The following CEP70 variants were observed in gnomAD, a reference collection of about 807,000 sequenced individuals.
CEP70 encodes centrosomal protein of 70 kDa.
CEP70 carries 70 observed loss-of-function variants against 90.9 expected under a neutral mutation model. That is an observed-to-expected ratio of 0.77 (90% confidence interval 0.64 to 0.94). CEP70 has a LOEUF of 0.94. CEP70 is among the 40% of genes least tolerant of loss of function. The pLI, the probability that CEP70 is intolerant of heterozygous loss-of-function variation, is 0.00. For missense variants in CEP70, 648 were observed against 669.0 expected, an observed-to-expected ratio of 0.97 and a Z score of 0.35; for synonymous variants, 220 against 228.3, an observed-to-expected ratio of 0.96 and a Z score of 0.33.
chr3:138,512,239 A>G (rs1327208617), intron 11 of CEP70, among the ~76,000 whole-genome samples: 2 of 152,148 alleles, frequency 1.3e-5, no homozygotes, highest in Non-Finnish European at 2.9e-5. Context: ...TCAGGGAAGG[A>G]GCCCAGGGTA....
In CEP70 at chr3:138,593,291, C is replaced by T. The variant is rs140296322; in HGVS notation, c.-109+907G>A. 5.6e-3 allele frequency among the ~76,000 whole-genome samples: 855 copies of T among 152,260 alleles called. 7 individuals carry two copies. The highest frequency in any genetic ancestry group is 0.02 in the African/African-American group (824 of 41,526). On this transcript the variant is annotated intron_variant, in intron 1 of 17. Transcript: ENST00000264982. ...AGGCTGGAGTGCAGTGGCGCGATCT[C>T]GGCTCACAGCAACCTCCGCCTCCCG...
Position 138,500,240 on chromosome 3 carries a change from A to G in CEP70, c.1538-16T>C. 6.3e-7 allele frequency: 1 copy of G among 1,586,042 alleles called. No homozygotes were observed. The highest frequency in any genetic ancestry group is 1.1e-5 in the South Asian group (1 of 89,662). ...GATGAACTATCTGCAAAAGAGAAAT[A>G]AAAGGATATTTTAACAGAGAATTTC... is the stretch of plus-strand genomic sequence containing the variant. On this transcript the variant is annotated splice_polypyrimidine_tract_variant and intron_variant, in intron 15 of 17. Coordinates refer to ENST00000264982, the MANE Select transcript of CEP70 (RefSeq NM_024491.4).
intron 6 of CEP70, among the ~76,000 whole-genome samples, chr3:138,556,685 T>A (rs2040033685): frequency 1.3e-5 from 2 of 151,898 alleles, no homozygotes; most frequent in Admixed American, 6.6e-5. Context: ...GGGGGAGACA[T>A]CACGTCGGTA....
intron 6 of CEP70, among the ~76,000 whole-genome samples, chr3:138,564,910 T>C (rs953632532): frequency 2.0e-5 from 3 of 152,136 alleles, no homozygotes; most frequent in Non-Finnish European, 1.5e-5. Context: ...TCAAATTGTC[T>C]CTGTTTGCAG....
intron 11 of CEP70, among the ~76,000 whole-genome samples, chr3:138,519,590 T>C (rs1374618019): frequency 6.6e-6 from 1 of 152,110 alleles, no homozygotes; most frequent in Non-Finnish European, 1.5e-5. Flanking sequence ...CTAAGCTTCA[T>C]AAGTGAAGGA....
chr3:138,522,959 G>C (rs1576630938), intron 11 of CEP70, among the ~76,000 whole-genome samples: 1 of 152,172 alleles, frequency 6.6e-6, no homozygotes, highest in Middle Eastern at 3.4e-3. Context: ...GATGAACATC[G>C]ATGCAAAAAT....
intron 2 of CEP70, among the ~76,000 whole-genome samples, chr3:138,577,273 A>C (rs2041596832): frequency 2.0e-5 from 3 of 152,178 alleles, no homozygotes; most frequent in African/African-American, 7.2e-5. Context: ...GCAGCACACC[A>C]ACATGGCACA....
At chr3:138,576,865 C>T (rs2041562694) in intron 2 of CEP70, among the ~76,000 whole-genome samples, 1 of 152,146 alleles carries the variant, frequency 6.6e-6, no homozygotes, top group African/African-American at 2.4e-5. Flanking sequence ...GTGTAAATAA[C>T]AAAATGAAGG....
chr3:138,582,704 C>G (rs180959336), intron 2 of CEP70, among the ~76,000 whole-genome samples: 39 of 151,998 alleles, frequency 2.6e-4, no homozygotes, highest in African/African-American at 8.4e-4. Flanking sequence ...CCAGAGGTTT[C>G]AGTGAGCCAT....
chr3:138,507,034 T>C (rs1432271343), intron 12 of CEP70, among the ~76,000 whole-genome samples: 1 of 152,150 alleles, frequency 6.6e-6, no homozygotes, highest in Non-Finnish European at 1.5e-5. Context: ...TGAGCCACCA[T>C]ACCCGGCTTG....
chr3:138,535,576 A>C (rs1215273913), intron 7 of CEP70, among the ~76,000 whole-genome samples: 1 of 152,108 alleles, frequency 6.6e-6, no homozygotes, highest in Non-Finnish European at 1.5e-5. Context: ...ATGTATTTCC[A>C]ATAGGTTTAA....
chr3:138,505,059 G>GA (rs1344042437), intron 13 of CEP70, among the ~76,000 whole-genome samples: 2 of 152,142 alleles, frequency 1.3e-5, no homozygotes, highest in Non-Finnish European at 2.9e-5. Context: ...TTGTTTGGTA[G>GA]AATCTTAGAG....
Position 138,512,576 on chromosome 3 carries a change from C to G in CEP70, c.945-4032G>C, listed in dbSNP as rs144971595. On this transcript the variant is annotated intron_variant, in intron 11 of 17. Coordinates refer to ENST00000264982, the MANE Select transcript of CEP70 (RefSeq NM_024491.4). ...AGATAATAAAAATCCCCTAGGAGTG[C>G]CTAAGGGGTACTTCACATGCTTTGC... Among the ~76,000 whole-genome samples the G allele has an allele frequency of 4.8e-3, 724 of 152,218 alleles. 4 individuals are homozygous for G. The highest frequency in any genetic ancestry group is 0.017 in the African/African-American group (697 of 41,534).
intron 6 of CEP70, among the ~76,000 whole-genome samples, chr3:138,545,580 G>T (rs895004743): frequency 3.3e-5 from 5 of 152,198 alleles, no homozygotes; most frequent in Admixed American, 3.3e-4. Flanking sequence ...CATAAGGTCT[G>T]ACTGCCTGCA....
Position 138,536,666 on chromosome 3 carries a change from T to C in CEP70, c.635+512A>G, listed in dbSNP as rs560093526. On this transcript the variant is annotated intron_variant, in intron 7 of 17. Transcript: ENST00000264982. ...ATAATTATAATATTGTTCTTAAGAATGATTTTCAGTAGGAAAGACAACAGT... is the reference window on the plus strand; with the variant it reads ...ATAATTATAATATTGTTCTTAAGAACGATTTTCAGTAGGAAAGACAACAGT... Among the ~76,000 whole-genome samples, 5 of 151,842 alleles carry C rather than the reference T, an allele frequency of 3.3e-5. No individual in the cohort carries two copies. In the East Asian group the frequency reaches 9.6e-4, roughly 29 times the overall value.
intron 12 of CEP70, among the ~76,000 whole-genome samples, chr3:138,507,976 C>A (rs752157315): frequency 1.3e-5 from 2 of 152,118 alleles, no homozygotes; most frequent in Non-Finnish European, 2.9e-5. Flanking sequence ...AACTGCTCAG[C>A]TATTCAATAA....
intron 11 of CEP70, among the ~76,000 whole-genome samples, chr3:138,508,896 G>C (rs2035252523): frequency 6.6e-6 from 1 of 151,964 alleles, no homozygotes; most frequent in Non-Finnish European, 1.5e-5. Context: ...ACCATGCCTG[G>C]CTAATTTTTT....
intron 6 of CEP70, among the ~76,000 whole-genome samples, chr3:138,554,737 C>T (rs1240224349): frequency 6.6e-6 from 1 of 152,146 alleles, no homozygotes; most frequent in Non-Finnish European, 1.5e-5. Flanking sequence ...AAATAAAGTA[C>T]TTAAGAATAT....
intron 6 of CEP70, among the ~76,000 whole-genome samples, chr3:138,544,357 C>CAAAAAAAAAAAAAAAAA (rs59364039): frequency 7.4e-6 from 1 of 136,044 alleles, no homozygotes; most frequent in African/African-American, 2.6e-5. Flanking sequence ...ACTCAAAAGA[C>CAAAAAAAAAAAAAAAAA]AAAAAAAAAA....
Sources: allele counts gnomAD v4.1 joint callset (sites outside exome capture counted in the v4.1 genomes callset), GRCh38; gene constraint gnomAD v4.1.1; transcripts MANE v1.5; gene names NCBI Gene and HGNC (gene_info 2026-07-23, HGNC 2026-07-21).